The following PTPRZ1 variants were observed in gnomAD, a reference collection of about 807,000 sequenced individuals.
PTPRZ1 encodes the protein receptor-type tyrosine-protein phosphatase zeta.
In PTPRZ1, 82 loss-of-function variants were observed where a neutral mutation model predicts 214.1. The ratio of observed to expected loss-of-function variants is 0.38; its 90% CI spans 0.32 to 0.46. The LOEUF is 0.46. PTPRZ1 is among the 20% of genes least tolerant of loss of function. The pLI is 1.00. For missense variants in PTPRZ1, 2,603 were observed against 2,748.7 expected (o/e 0.95, Z 1.19); for synonymous variants, 945 against 987.9 (o/e 0.96, Z 0.81).
intron 2 of PTPRZ1, among the ~76,000 whole-genome samples, chr7:121,965,567 T>C (rs940934567): frequency 3.3e-5 from 5 of 152,178 alleles, no homozygotes; most frequent in African/African-American, 1.2e-4. Context: ...AATGGAGCTT[T>C]CTATAACATA....
chr7:121,890,139 AG>A (rs954249564), intron 1 of PTPRZ1, among the ~76,000 whole-genome samples: 4 of 152,310 alleles, frequency 2.6e-5, no homozygotes, highest in African/African-American at 7.2e-5. Flanking sequence ...TTTCTAGACC[AG>A]AAGTTGTACC....
At chr7:121,906,416 A>C (rs1036110863) in intron 1 of PTPRZ1, among the ~76,000 whole-genome samples, 18 of 152,156 alleles carry the variant, frequency 1.2e-4, no homozygotes, top group African/African-American at 4.1e-4. Context: ...CCTTCTTACT[A>C]ATGTACTAAA....
chr7:122,061,027 T>G (rs1201738150), intron 29 of PTPRZ1, 53 bp from the exon 30 acceptor site: 1 of 1,499,452 alleles, frequency 6.7e-7, no homozygotes, highest in African/African-American at 1.4e-5. Flanking sequence ...TTTTTACAAA[T>G]GTATGTCTTC....
intron 17 of PTPRZ1, among the ~76,000 whole-genome samples, chr7:122,035,916 C>G (rs1799520125): frequency 6.6e-6 from 1 of 152,172 alleles, no homozygotes; most frequent in African/African-American, 2.4e-5. Flanking sequence ...TGTAATCATA[C>G]TTTGAATTAC....
intron 23 of PTPRZ1, among the ~76,000 whole-genome samples, chr7:122,049,970 C>T (rs1792118378): frequency 6.6e-6 from 1 of 152,102 alleles, no homozygotes; most frequent in Non-Finnish European, 1.5e-5. Context: ...GTAGAGTTAA[C>T]ATTACGTATC....
At chr7:122,035,794 A>C (rs1225623829) in intron 17 of PTPRZ1, among the ~76,000 whole-genome samples, 1 of 152,212 alleles carries the variant, frequency 6.6e-6, no homozygotes, top group Non-Finnish European at 1.5e-5. Context: ...CTTGAAAAGA[A>C]TAATCTTCTC....
intron 2 of PTPRZ1, among the ~76,000 whole-genome samples, chr7:121,967,663 G>A (rs144596401): frequency 6.6e-6 from 1 of 152,156 alleles, no homozygotes; most frequent in Non-Finnish European, 1.5e-5. Context: ...TTGACTCCCT[G>A]ATCACAAAAA....
chr7:121,974,548 C>T (rs1327716927), intron 4 of PTPRZ1, among the ~76,000 whole-genome samples: 1 of 152,176 alleles, frequency 6.6e-6, no homozygotes, highest in Non-Finnish European at 1.5e-5. Flanking sequence ...AGTGCAATGG[C>T]ATGATCTCGG....
chr7:121,928,105 T>A, intron 1 of PTPRZ1, 51 bp from the exon 2 acceptor site: 1 of 1,316,486 alleles, frequency 7.6e-7, no homozygotes, highest in South Asian at 1.2e-5. Flanking sequence ...TCTTTTATTT[T>A]TGGACATATA....
intron 2 of PTPRZ1, among the ~76,000 whole-genome samples, chr7:121,939,973 G>T (rs1796195515): frequency 6.6e-6 from 1 of 152,184 alleles, no homozygotes; most frequent in East Asian, 1.9e-4. Flanking sequence ...GTGAAAAATT[G>T]TGCCAGGCAA....
At chr7:121,988,537 G>A (rs1259243141) in intron 8 of PTPRZ1, among the ~76,000 whole-genome samples, 2 of 152,050 alleles carry the variant, frequency 1.3e-5, no homozygotes, top group African/African-American at 4.8e-5. Flanking sequence ...CTGCAGCTGT[G>A]GCACTTTGCC....
chr7:121,878,330 T>A (rs1462160939), intron 1 of PTPRZ1, among the ~76,000 whole-genome samples: 1 of 152,216 alleles, frequency 6.6e-6, no homozygotes, highest in Non-Finnish European at 1.5e-5. Flanking sequence ...CATCTCCATC[T>A]GGCAGTGTTG....
At chr7:122,021,753 CT>C (rs979325382) in intron 13 of PTPRZ1, among the ~76,000 whole-genome samples, 1 of 151,850 alleles carries the variant, frequency 6.6e-6, no homozygotes, top group Admixed American at 6.6e-5. Context: ...AAAAAAATCA[CT>C]TTGATGGTTT....
chr7:122,014,016 C>A, intron 12 of PTPRZ1, 127 bp downstream of exon 12: 1 of 743,246 alleles, frequency 1.3e-6, no homozygotes, highest in Non-Finnish European at 2.1e-6. Flanking sequence ...TCAAAACATT[C>A]AACAAATCAG....
chr7:121,897,622 C>T (rs1165204822), intron 1 of PTPRZ1, among the ~76,000 whole-genome samples: 1 of 152,186 alleles, frequency 6.6e-6, no homozygotes, highest in African/African-American at 2.4e-5. Flanking sequence ...CCTCCTTCTG[C>T]TAGCTAGAAG....
intron 8 of PTPRZ1, among the ~76,000 whole-genome samples, chr7:121,988,240 C>T (rs984347752): frequency 3.9e-5 from 6 of 152,118 alleles, no homozygotes; most frequent in African/African-American, 1.4e-4. Context: ...ATATCCCCTT[C>T]TAGGGGGGAT....
intron 1 of PTPRZ1, among the ~76,000 whole-genome samples, chr7:121,891,979 A>G (rs1794640267): frequency 1.3e-5 from 2 of 152,114 alleles, no homozygotes; most frequent in Non-Finnish European, 2.9e-5. Context: ...TGTAAATACA[A>G]ATTTGTTATT....
intron 1 of PTPRZ1, among the ~76,000 whole-genome samples, chr7:121,914,084 C>A (rs73229144): frequency 1.3e-5 from 2 of 151,956 alleles, no homozygotes; most frequent in Non-Finnish European, 2.9e-5. Context: ...GAGGCCGAGG[C>A]GAGCAGATCC....
At chr7:122,052,231 C>T (rs1792208943) in intron 25 of PTPRZ1, among the ~76,000 whole-genome samples, 1 of 152,152 alleles carries the variant, frequency 6.6e-6, no homozygotes, top group African/African-American at 2.4e-5. Context: ...ATCTAAAAGG[C>T]TTTATTTCCT....
Sources: gnomAD v4.1 joint callset for allele counts (sites outside exome capture counted in the v4.1 genomes callset) on GRCh38, gnomAD v4.1.1 for gene constraint, MANE v1.5 for transcripts, NCBI Gene and HGNC (gene_info 2026-07-23, HGNC 2026-07-21) for gene names.